USH2A: variants seen among roughly 807,000 people sequenced by gnomAD.
USH2A encodes Usher syndrome 2A (autosomal recessive, mild).
In USH2A, 443 loss-of-function variants were observed where a neutral mutation model predicts 538.9. That is an observed-to-expected ratio of 0.82 (90% CI 0.76 to 0.89). USH2A has a LOEUF of 0.89. USH2A is among the 40% of genes least tolerant of loss of function. The pLI is 0.00. For synonymous variants in USH2A, 2,413 were observed against 2,273.5 expected (o/e 1.06, Z -1.75); for missense variants, 6,633 against 6,324.8 (o/e 1.05, Z -1.65).
intron 21 of USH2A, among the ~76,000 whole-genome samples, chr1:216,145,176 T>C (rs1226401108): frequency 6.6e-6 from 1 of 152,204 alleles, no homozygotes; most frequent in African/African-American, 2.4e-5. Flanking sequence ...TTTTATGTTA[T>C]GTTCAGGACA....
At chr1:216,111,063 C>A (rs1571969566) in intron 21 of USH2A, among the ~76,000 whole-genome samples, 1 of 151,844 alleles carries the variant, frequency 6.6e-6, no homozygotes, top group African/African-American at 2.4e-5. Flanking sequence ...CCATCTCTAC[C>A]AAAAATACAA....
Position 216,156,295 on chromosome 1 carries a change from C to CTTTTTTTT in USH2A, c.4627+18949_4627+18956dup, listed in dbSNP as rs35698520. Among the ~76,000 whole-genome samples the CTTTTTTTT allele has an allele frequency of 5.6e-3, 589 of 105,406 alleles. 17 individuals are homozygous for CTTTTTTTT. Among genetic ancestry groups the CTTTTTTTT allele is most frequent in the Non-Finnish European group, 7.8e-3 (416 of 53,292 alleles). 69.2% of individuals were successfully genotyped at this position (105,406 alleles called of 152,430 possible). A position where few individuals can be genotyped will look rare whatever the true frequency, so the allele number is the denominator to read the frequency against. ...TTCTTTCTTTCTTTCTTTTTTTTTT[C>CTTTTTTTT]TTTTTTTTTTTTTTTTTGGCCTAGC... On this transcript the variant is annotated intron_variant, in intron 21 of 71. Transcript: ENST00000307340.
At chr1:216,145,263 G>C (rs988087589) in intron 21 of USH2A, among the ~76,000 whole-genome samples, 1 of 152,158 alleles carries the variant, frequency 6.6e-6, no homozygotes, top group Non-Finnish European at 1.5e-5. Context: ...CATGGAGCAG[G>C]CTTTCATAGC....
intron 32 of USH2A, among the ~76,000 whole-genome samples, chr1:216,020,668 G>A (rs1313043936): frequency 6.6e-6 from 1 of 152,102 alleles, no homozygotes; most frequent in East Asian, 1.9e-4. Context: ...TTGATTAGAA[G>A]CTTGGAACTT....
intron 3 of USH2A, among the ~76,000 whole-genome samples, chr1:216,396,719 C>CA (rs892302014): frequency 1.3e-5 from 2 of 151,630 alleles, no homozygotes; most frequent in African/African-American, 2.4e-5. Flanking sequence ...TCAATTCACA[C>CA]AAAAAAAATC....
At chr1:216,082,223 T>C (rs1208110657) in intron 26 of USH2A, among the ~76,000 whole-genome samples, 1 of 132,104 alleles carries the variant, frequency 7.6e-6, no homozygotes, top group Non-Finnish European at 1.7e-5. Context: ...GCACTGAAGA[T>C]ACAACTATAA....
intron 32 of USH2A, among the ~76,000 whole-genome samples, chr1:216,020,178 G>T (rs1293724288): frequency 2.0e-5 from 3 of 152,098 alleles, no homozygotes; most frequent in Admixed American, 2.0e-4. Context: ...TAATACTGAT[G>T]ATTTTAAATA....
chr1:216,175,022 G>A lies in USH2A; in HGVS notation c.4627+230C>T, dbSNP rs972442911. On this transcript the variant is annotated intron_variant, in intron 21 of 71. Transcript: ENST00000307340. ...GCACATACTTTGATCCAATAAGGCTGCTTCTTCATCTTCATCTTTTATTTT... is the reference window on the plus strand; with the variant it reads ...GCACATACTTTGATCCAATAAGGCTACTTCTTCATCTTCATCTTTTATTTT... The A allele has an allele frequency of 3.7e-6, 5 of 1,368,256 alleles. No homozygotes were observed. In the South Asian group the frequency reaches 4.6e-5, roughly 13 times the overall value. The allele number at this position is 1,368,256 out of a possible 1,614,324, so 84.8% of individuals were successfully genotyped here.
intron 21 of USH2A, chr1:216,174,883 G>A: frequency 9.3e-7 from 1 of 1,074,006 alleles, no homozygotes; most frequent in Non-Finnish European, 1.1e-6. Flanking sequence ...GGTGCATACT[G>A]AGAATCTCCA....
At chr1:215,998,542 C>T (rs754344007) in intron 34 of USH2A, among the ~76,000 whole-genome samples, 12 of 151,934 alleles carry the variant, frequency 7.9e-5, no homozygotes, top group Non-Finnish European at 1.5e-4. Flanking sequence ...AATACAAATG[C>T]CACAGGGAAA....
intron 32 of USH2A, among the ~76,000 whole-genome samples, chr1:216,010,679 C>T (rs1668539136): frequency 1.3e-5 from 2 of 151,614 alleles, no homozygotes; most frequent in Non-Finnish European, 2.9e-5. Context: ...TCTTAAAACT[C>T]TCCAACTCTG....
intron 42 of USH2A, 68 bp from the exon 43 acceptor site, chr1:215,877,948 C>A: frequency 6.2e-7 from 1 of 1,605,998 alleles, no homozygotes; most frequent in Non-Finnish European, 8.5e-7. Flanking sequence ...AAAACTCAGG[C>A]TGTTCTGTGG....
At chr1:216,132,557 ACT>A (rs2033398119) in intron 21 of USH2A, among the ~76,000 whole-genome samples, 1 of 151,820 alleles carries the variant, frequency 6.6e-6, no homozygotes, top group Non-Finnish European at 1.5e-5. Context: ...CACTCTTCTA[ACT>A]CTCTCAGTTC....
At chr1:216,421,227 G>C (rs532125914) in intron 2 of USH2A, among the ~76,000 whole-genome samples, 80 of 152,210 alleles carry the variant, frequency 5.3e-4, no homozygotes, top group Non-Finnish European at 9.7e-4. Context: ...AAGCTTTTGA[G>C]AATCTCTCAC....
At chr1:215,948,443 TACACACACAC>T (rs59062172) in intron 37 of USH2A, among the ~76,000 whole-genome samples, 1 of 147,172 alleles carries the variant, frequency 6.8e-6, no homozygotes. Flanking sequence ...TATATATATA[TACACACACAC>T]ACACACACAC....
At chr1:215,695,827 T>A (rs1379299196) in intron 61 of USH2A, among the ~76,000 whole-genome samples, 1 of 152,186 alleles carries the variant, frequency 6.6e-6, no homozygotes, top group African/African-American at 2.4e-5. Flanking sequence ...TCTTGGCCAC[T>A]GCAACCTCTG....
rs1302813957 is a variant in USH2A at position 216,422,228 on chromosome 1, A to T, written c.109T>A (p.Phe37Ile). 1 of 1,612,830 alleles carries T rather than the reference A, an allele frequency of 6.2e-7. No individual in the cohort carries two copies. The highest frequency in any genetic ancestry group is 1.1e-5 in the South Asian group (1 of 91,042). Residue 37 changes from phenylalanine to isoleucine, a missense_variant, in exon 2 of 72, where the codon TTC becomes ATC. Physicochemically the swap from Phe to Ile is conservative, Grantham distance 21. Coordinates refer to ENST00000307340, the MANE Select transcript of USH2A (RefSeq NM_206933.4). ...GCTCCCACGTTCTCCAGCCTTGGGA[A>T]AAGACCTCGTGACTCAGTCAAGGAT... The part of the protein sequence containing the change: ...SISLTESRGL[F>I]PRLENVGAFK...
At chr1:215,928,414 AT>A (rs1360809652) in intron 38 of USH2A, among the ~76,000 whole-genome samples, 1 of 152,076 alleles carries the variant, frequency 6.6e-6, no homozygotes, top group Non-Finnish European at 1.5e-5. Context: ...GTACATCATT[AT>A]TTCAAAAGCA....
chr1:215,824,833 G>A (rs1663109523), intron 47 of USH2A, among the ~76,000 whole-genome samples: 1 of 152,150 alleles, frequency 6.6e-6, no homozygotes, highest in South Asian at 2.1e-4. Flanking sequence ...TTTTCCACAA[G>A]CGTGGTGCTG....
Sources: gnomAD v4.1 joint callset for allele counts (sites outside exome capture counted in the v4.1 genomes callset) on GRCh38, gnomAD v4.1.1 for gene constraint, MANE v1.5 for transcripts, NCBI Gene and HGNC (gene_info 2026-07-23, HGNC 2026-07-21) for gene names.